The following GPR174 variants were observed in gnomAD, a reference collection of about 807,000 sequenced individuals.
The protein encoded by GPR174 is G protein-coupled receptor 174, also known as probable G protein-coupled receptor 174.
In GPR174, 8 loss-of-function variants were observed where a neutral mutation model predicts 16.5. That is an observed-to-expected ratio of 0.48 (90% CI 0.28 to 0.87). The LOEUF is 0.87. Among genes scored for constraint, GPR174 ranks in the 40% least tolerant of loss-of-function variants. GPR174 has a pLI of 0.09. For missense variants in GPR174, 214 were observed against 247.5 expected (o/e 0.86, Z 0.91); for synonymous variants, 111 against 94.8 (o/e 1.17, Z -0.99).
At chrX:79,153,954 G>T (rs1602337256) in intron 1 of GPR174, among the ~76,000 whole-genome samples, 2 of 111,919 alleles carry the variant, frequency 1.8e-5, no homozygotes, top group Non-Finnish European at 3.8e-5. Flanking sequence ...TACAAAATTA[G>T]TGAAGGTTTA....
Position 79,172,137 on chromosome X carries a change from G to C in GPR174, c.*128G>C. ...AGTTCTGCTCTATCTTACTGCTATG[G>C]GGAATTCACTTCTTCAAAGCAGGAC... On this transcript the variant is annotated 3_prime_UTR_variant, in exon 3 of 3. Coordinates refer to ENST00000645147, the MANE Select transcript of GPR174 (RefSeq NM_032553.3). 1 of 650,038 alleles carries C rather than the reference G, an allele frequency of 1.5e-6. No homozygotes were observed. The highest frequency in any genetic ancestry group is 2.3e-6 in the Non-Finnish European group (1 of 437,791). The allele number at this position is 650,038 out of a possible 1,213,427, so 53.6% of individuals were successfully genotyped here. A position where few individuals can be genotyped will look rare whatever the true frequency, so the allele number is the denominator to read the frequency against.
chrX:79,173,234 G>A lies in GPR174; in HGVS notation c.*1225G>A, dbSNP rs181985121. ...ACCATTCTAAAGCCTACAAAGCCTA[G>A]CTCTTAGCAGCTGGGGAAGGCAATT... On this transcript the variant is annotated 3_prime_UTR_variant, in exon 3 of 3. Transcript: ENST00000645147. The A allele has an allele frequency of 1.8e-5, 2 of 111,050 alleles. No individual in the cohort carries two copies. Among genetic ancestry groups the A allele is most frequent in the Admixed American group, 1.9e-4 (2 of 10,414 alleles). 9.2% of individuals were successfully genotyped at this position (111,050 alleles called of 1,213,427 possible).
intron 2 of GPR174, among the ~76,000 whole-genome samples, chrX:79,158,900 TG>T (rs1252613396): frequency 9.2e-6 from 1 of 108,628 alleles, no homozygotes; most frequent in Non-Finnish European, 1.9e-5. Flanking sequence ...GCAACTAGAT[TG>T]TTTGTAACTT....
chrX:79,173,423 C>T lies in GPR174; in HGVS notation c.*1414C>T, dbSNP rs1921565249. On this transcript the variant is annotated 3_prime_UTR_variant, in exon 3 of 3. Coordinates refer to ENST00000645147, the MANE Select transcript of GPR174 (RefSeq NM_032553.3). ...TTGTAAGTATTAGAATATTTTGAAA[C>T]ATGTTTTAGCAAAAAGCTCTAACTT... The T allele has an allele frequency of 8.9e-6, 1 of 111,948 alleles. No homozygotes were observed. 9.2% of individuals were successfully genotyped at this position (111,948 alleles called of 1,213,427 possible). A position where few individuals can be genotyped will look rare whatever the true frequency, so the allele number is the denominator to read the frequency against.
chrX:79,155,299 A>T, intron 1 of GPR174, among the ~76,000 whole-genome samples: 1 of 111,467 alleles, frequency 9.0e-6, no homozygotes, highest in South Asian at 3.8e-4. Flanking sequence ...AGTCCCCATG[A>T]TAAGCTGCTT....
chrX:79,165,177 C>T (rs1045405831), intron 2 of GPR174, among the ~76,000 whole-genome samples: 1 of 110,082 alleles, frequency 9.1e-6, no homozygotes, highest in East Asian at 2.8e-4. Flanking sequence ...TAGAGGCTTC[C>T]GTATTTTTGT....
intron 1 of GPR174, among the ~76,000 whole-genome samples, chrX:79,156,343 T>A (rs761659230): frequency 1.2e-4 from 14 of 112,606 alleles, no homozygotes; most frequent in Admixed American, 9.4e-5. Context: ...TCTCCTAGCA[T>A]GAGCTGTGCT....
chrX:79,163,246 A>G (rs1301438270), intron 2 of GPR174, among the ~76,000 whole-genome samples: 1 of 112,412 alleles, frequency 8.9e-6, no homozygotes, highest in African/African-American at 3.2e-5. Context: ...TATTTAACGT[A>G]TTAAAAAGGA....
At chrX:79,165,225 G>A (rs367611327) in intron 2 of GPR174, among the ~76,000 whole-genome samples, 1 of 107,661 alleles carries the variant, frequency 9.3e-6, no homozygotes, top group Non-Finnish European at 1.9e-5. Flanking sequence ...ATAGATTTTG[G>A]ACAATGTATT....
intron 1 of GPR174, among the ~76,000 whole-genome samples, chrX:79,145,539 T>C (rs1185865162): frequency 8.9e-6 from 1 of 111,849 alleles, no homozygotes; most frequent in African/African-American, 3.2e-5. Context: ...ATTTAACCTG[T>C]TTTGTATTAA....
intron 1 of GPR174, among the ~76,000 whole-genome samples, chrX:79,150,558 T>C (rs964096618): frequency 3.6e-5 from 4 of 111,938 alleles, no homozygotes; most frequent in Non-Finnish European, 5.7e-5. Flanking sequence ...GAAGTGGTGA[T>C]CAGTTCTTTA....
At position 79,172,145 on chromosome X, in the gene GPR174, A is replaced by C; in HGVS notation, c.*136A>C. 1 of 604,508 alleles carries C rather than the reference A, an allele frequency of 1.7e-6. No homozygotes were observed. The highest frequency in any genetic ancestry group is 2.5e-6 in the Non-Finnish European group (1 of 397,337). The allele number at this position is 604,508 out of a possible 1,213,427, so 49.8% of individuals were successfully genotyped here. A position where few individuals can be genotyped will look rare whatever the true frequency, so the allele number is the denominator to read the frequency against. On this transcript the variant is annotated 3_prime_UTR_variant, in exon 3 of 3. Coordinates refer to ENST00000645147, the MANE Select transcript of GPR174 (RefSeq NM_032553.3). ...TCTATCTTACTGCTATGGGGAATTC[A>C]CTTCTTCAAAGCAGGACCTATTTGG...
intron 2 of GPR174, among the ~76,000 whole-genome samples, chrX:79,162,195 T>C (rs1921251510): frequency 9.0e-6 from 1 of 111,582 alleles, no homozygotes; most frequent in Non-Finnish European, 1.9e-5. Context: ...GTTATTTCAG[T>C]TTGCTTCACA....
intron 2 of GPR174, among the ~76,000 whole-genome samples, chrX:79,164,005 C>T (rs1027823325): frequency 1.8e-5 from 2 of 111,400 alleles, no homozygotes; most frequent in South Asian, 3.8e-4. Context: ...TATATGATGC[C>T]ATCTGAGAAA....
In GPR174 at chrX:79,172,185, C is replaced by T. The variant is rs1041798785; in HGVS notation, c.*176C>T. 7.1e-5 allele frequency: 31 copies of T among 438,218 alleles called. No individual in the cohort carries two copies. Among genetic ancestry groups the T allele is most frequent in the Admixed American group, 9.8e-5 (2 of 20,424 alleles). 36.1% of individuals were successfully genotyped at this position (438,218 alleles called of 1,213,427 possible). ...GACCTATTTGGAGCATTACGATCCA[C>T]GATTATTGATGTTGACATGTCCATG... On this transcript the variant is annotated 3_prime_UTR_variant, in exon 3 of 3. Transcript: ENST00000645147.
intron 2 of GPR174, among the ~76,000 whole-genome samples, chrX:79,166,420 C>CTTTTCTT (rs1921364717): frequency 2.5e-5 from 1 of 40,722 alleles, no homozygotes; most frequent in Non-Finnish European, 4.9e-5. Context: ...TCTTTTTTTT[C>CTTTTCTT]TTTTCTTTTT....
At position 79,159,012 on chromosome X, in the gene GPR174, G is replaced by A. The variant is rs138849528; in HGVS notation, c.-557+2094G>A. 1.7e-3 allele frequency among the ~76,000 whole-genome samples: 183 copies of A among 109,989 alleles called. 1 individual carries two copies. Among genetic ancestry groups the A allele is most frequent in the African/African-American group, 5.6e-3 (169 of 30,261 alleles). On this transcript the variant is annotated intron_variant, in intron 2 of 2. Coordinates refer to ENST00000645147, the MANE Select transcript of GPR174 (RefSeq NM_032553.3). ...AATATCTCATGTATCCCACAAATATGTATGCTTACTATGTACCCAGAAAAA... is the reference window on the plus strand; with the variant it reads ...AATATCTCATGTATCCCACAAATATATATGCTTACTATGTACCCAGAAAAA...
chrX:79,160,044 C>T (rs1417856653), intron 2 of GPR174, among the ~76,000 whole-genome samples: 3 of 111,918 alleles, frequency 2.7e-5, no homozygotes, highest in Non-Finnish European at 5.6e-5. Context: ...AGTGACCTCA[C>T]AAGGCTGTAT....
In GPR174 at chrX:79,171,953, G is replaced by T. The variant is rs757196608; in HGVS notation, c.946G>T (p.Ala316Ser). ...QDLHDSIQLH[A>S]KSFVSNHTAS... ...TTTGCATGACAGCATCCAACTCCAT[G>T]CAAAATCCTTTGTGAGTAACCATAC... is the stretch of plus-strand genomic sequence containing the variant. Residue 316 changes from alanine (A) to serine (S), a missense_variant, in exon 3 of 3, where the codon GCA becomes TCA. Physicochemically the swap from Ala to Ser is moderately conservative, Grantham distance 99. Transcript: ENST00000645147. 1.7e-5 allele frequency: 20 copies of T among 1,205,521 alleles called. No homozygotes were observed. The highest frequency in any genetic ancestry group is 1.1e-6 in the Non-Finnish European group (1 of 893,468).
Sources: gnomAD v4.1 joint callset for allele counts (sites outside exome capture counted in the v4.1 genomes callset) on GRCh38, gnomAD v4.1.1 for gene constraint, MANE v1.5 for transcripts, NCBI Gene and HGNC (gene_info 2026-07-23, HGNC 2026-07-21) for gene names.